GNPAT: variants seen among roughly 807,000 people sequenced by gnomAD.
GNPAT encodes the protein dihydroxyacetone phosphate acyltransferase.
Under a neutral mutation model 78.4 loss-of-function variants are expected in GNPAT, and 30 were observed. The ratio of observed to expected loss-of-function variants is 0.38; its 90% CI spans 0.29 to 0.52. The LOEUF is 0.52. Among genes scored for constraint, GNPAT ranks in the 20% least tolerant of loss-of-function variants. The pLI is 0.84. For synonymous variants in GNPAT, 271 were observed against 281.1 expected (o/e 0.96, Z 0.36); for missense variants, 714 against 812.2 (o/e 0.88, Z 1.47).
Position 231,250,079 on chromosome 1 carries a change from CT to C in GNPAT, c.79-879del, listed in dbSNP as rs1239321661. Among the ~76,000 whole-genome samples the C allele has an allele frequency of 9.8e-4, 110 of 112,504 alleles. 1 individual carries two copies. The highest frequency in any genetic ancestry group is 4.0e-3 in the African/African-American group (109 of 27,072). The allele number at this position is 112,504 out of a possible 152,430, so 73.8% of individuals were successfully genotyped here. On this transcript the variant is annotated intron_variant, in intron 1 of 15. Coordinates refer to ENST00000366647, the MANE Select transcript of GNPAT (RefSeq NM_014236.4). ...TGGGCAACAGAGCAAGACTGTACCT[CT>C]TTATTATTATTATTATTATTATTAT...
At chr1:231,271,492 C>T (rs1685563656) in intron 10 of GNPAT, among the ~76,000 whole-genome samples, 1 of 152,178 alleles carries the variant, frequency 6.6e-6, no homozygotes, top group African/African-American at 2.4e-5. Flanking sequence ...TCTGTCAAGG[C>T]CCTATGTTAG....
At chr1:231,260,120 T>C (rs184493132) in intron 2 of GNPAT, among the ~76,000 whole-genome samples, 77 of 152,342 alleles carry the variant, frequency 5.1e-4, no homozygotes, top group African/African-American at 1.9e-3. Flanking sequence ...TATTACCTTG[T>C]AATAGCATTG....
rs932534276 is a variant in GNPAT at position 231,270,881 on chromosome 1, T to A, written c.1403T>A (p.Leu468His). ...GGAGACTCGGAAGTGGTCGATGGGC[T>A]TATGCTCCAGCACATCACTCTCCTC... is the stretch of plus-strand genomic sequence containing the variant. Reference protein sequence around the residue: ...DSGDSEVVDGLMLQHITLLMC... With the variant: ...DSGDSEVVDGHMLQHITLLMC... The change falls in exon 10 of 16, where the codon CTT becomes CAT. Residue 468 changes from leucine (L) to histidine (H), a missense_variant. By Grantham distance (99) the Leu-to-His change is moderately conservative. Transcript: ENST00000366647. 2 of 1,614,218 alleles carry A rather than the reference T, an allele frequency of 1.2e-6. No homozygotes were observed. Among genetic ancestry groups the A allele is most frequent in the Admixed American group, 1.7e-5 (1 of 60,032 alleles).
chr1:231,270,613 T>G, intron 9 of GNPAT, 145 bp from the exon 10 acceptor site: 2 of 801,294 alleles, frequency 2.5e-6, no homozygotes, highest in Non-Finnish European at 4.4e-6. Flanking sequence ...TCAGATTTGG[T>G]ATCATTACCG....
chr1:231,265,504 G>C, intron 5 of GNPAT, 84 bp downstream of exon 5: 1 of 1,197,580 alleles, frequency 8.4e-7, no homozygotes, highest in Non-Finnish European at 1.2e-6. Context: ...CTTCTGAATA[G>C]AACACTTAGC....
At chr1:231,265,526 C>T in intron 5 of GNPAT, 106 bp downstream of exon 5, 2 of 1,029,518 alleles carry the variant, frequency 1.9e-6, no homozygotes, top group Non-Finnish European at 3.1e-6. Context: ...ATTTTGCTTT[C>T]CCTCAAGAAC....
At chr1:231,259,696 A>G (rs890405715) in intron 2 of GNPAT, among the ~76,000 whole-genome samples, 4 of 152,096 alleles carry the variant, frequency 2.6e-5, no homozygotes, top group Admixed American at 1.3e-4. Flanking sequence ...TTTCACCTCA[A>G]TGAAAAAAAA....
At chr1:231,255,001 C>T (rs553566294) in intron 2 of GNPAT, among the ~76,000 whole-genome samples, 4 of 152,200 alleles carry the variant, frequency 2.6e-5, no homozygotes, top group African/African-American at 9.6e-5. Context: ...AATCCGCCCA[C>T]CTCAGCCTCC....
intron 2 of GNPAT, among the ~76,000 whole-genome samples, chr1:231,260,248 T>G (rs1234715368): frequency 1.3e-5 from 2 of 152,218 alleles, no homozygotes; most frequent in Admixed American, 1.3e-4. Context: ...ACAAACCAAA[T>G]GGAAAGGTGA....
intron 1 of GNPAT, among the ~76,000 whole-genome samples, chr1:231,245,186 C>G (rs1684715091): frequency 6.6e-6 from 1 of 152,124 alleles, no homozygotes; most frequent in Non-Finnish European, 1.5e-5. Flanking sequence ...AATCACTATT[C>G]CTCATTTTCC....
intron 2 of GNPAT, among the ~76,000 whole-genome samples, chr1:231,254,885 G>A (rs1685004834): frequency 6.6e-6 from 1 of 151,706 alleles, no homozygotes; most frequent in Non-Finnish European, 1.5e-5. Context: ...CCAAGTAGCT[G>A]GGATTACAGG....
chr1:231,273,260 T>G (rs1029348631), intron 11 of GNPAT, among the ~76,000 whole-genome samples: 1 of 149,410 alleles, frequency 6.7e-6, no homozygotes, highest in African/African-American at 2.5e-5. Flanking sequence ...TTTTTTTTTT[T>G]TTTTTTTTTG....
intron 2 of GNPAT, among the ~76,000 whole-genome samples, chr1:231,256,047 C>G (rs11580663): frequency 0.069 from 10,535 of 152,144 alleles, 505 homozygotes; most frequent in Middle Eastern, 0.12. Context: ...TTATTCCAGC[C>G]TCTGGTTTTA....
chr1:231,245,751 C>G (rs1214861015), intron 1 of GNPAT, among the ~76,000 whole-genome samples: 1 of 152,212 alleles, frequency 6.6e-6, no homozygotes, highest in Non-Finnish European at 1.5e-5. Context: ...AGGCGGATCA[C>G]CTGAGGTCGG....
chr1:231,274,622 C>T (rs1163183231), intron 12 of GNPAT, among the ~76,000 whole-genome samples: 1 of 152,164 alleles, frequency 6.6e-6, no homozygotes, highest in African/African-American at 2.4e-5. Flanking sequence ...GAAACATAAA[C>T]TGTAGGAAGG....
intron 1 of GNPAT, among the ~76,000 whole-genome samples, chr1:231,243,634 G>A (rs746448918): frequency 2.6e-5 from 4 of 152,138 alleles, no homozygotes; most frequent in Non-Finnish European, 1.5e-5. Flanking sequence ...GAGTTTTTGA[G>A]CTGTGAATGG....
rs1185596649 is a variant in GNPAT at position 231,273,934 on chromosome 1, G to A, written c.1615G>A (p.Gly539Ser). ...TCTTCCCTTCTAGGACTTTGAAGAA[G>A]GCTGTTACCTGCTTTGTAAAAGTGA... Reference protein sequence around the residue: ...PGNTLKDFEEGCYLLCKSEAI... With the variant: ...PGNTLKDFEESCYLLCKSEAI... The change falls in exon 12 of 16, where the codon GGC becomes AGC. Residue 539 changes from glycine (G) to serine (S), a missense_variant. Coordinates refer to ENST00000366647, the MANE Select transcript of GNPAT (RefSeq NM_014236.4). The A allele has an allele frequency of 6.2e-7, 1 of 1,613,410 alleles. No individual in the cohort carries two copies. The highest frequency in any genetic ancestry group is 8.5e-7 in the Non-Finnish European group (1 of 1,179,392).
At chr1:231,267,034 G>A (rs1685408140) in intron 8 of GNPAT, among the ~76,000 whole-genome samples, 2 of 152,196 alleles carry the variant, frequency 1.3e-5, no homozygotes, top group African/African-American at 4.8e-5. Context: ...CATCACAGAC[G>A]CTTATGTTAG....
chr1:231,270,890 A>G lies in GNPAT; in HGVS notation c.1412A>G (p.Gln471Arg). 1 of 1,614,220 alleles carries G rather than the reference A, an allele frequency of 6.2e-7. No homozygotes were observed. ...DSEVVDGLML[Q>R]HITLLMCSAY... is the part of the protein sequence containing the mutation. Reference sequence around the variant, plus strand: ...GAAGTGGTCGATGGGCTTATGCTCCAGCACATCACTCTCCTCATGTGCTCA... The same window carrying G: ...GAAGTGGTCGATGGGCTTATGCTCCGGCACATCACTCTCCTCATGTGCTCA... The change falls in exon 10 of 16, where the codon CAG (glutamine) becomes CGG (arginine). Residue 471 changes from glutamine (Q) to arginine (R), a missense_variant. Transcript: ENST00000366647.
Sources: gnomAD v4.1 joint callset for allele counts (sites outside exome capture counted in the v4.1 genomes callset) on GRCh38, gnomAD v4.1.1 for gene constraint, MANE v1.5 for transcripts, NCBI Gene and HGNC (gene_info 2026-07-23, HGNC 2026-07-21) for gene names.